PKD1L3: variants seen among roughly 807,000 people sequenced by gnomAD.
The protein encoded by PKD1L3 is polycystin 1 like 3, transient receptor potential channel interacting.
In PKD1L3, 239 loss-of-function variants were observed where a neutral mutation model predicts 184.1. The observed-to-expected ratio is 1.30, with a 90% CI of 1.17 to 1.45. The LOEUF is 1.45. PKD1L3 is among the 40% of genes most tolerant of loss of function. The pLI is 0.00. For synonymous variants in PKD1L3, 996 were observed against 778.8 expected (o/e 1.28, Z -4.64); for missense variants, 2,660 against 2,067.2 (o/e 1.29, Z -5.56).
At chr16:71,933,291 G>A in intron 28 of PKD1L3, 129 bp downstream of exon 28, 4 of 706,536 alleles carry the variant, frequency 5.7e-6, no homozygotes, top group Non-Finnish European at 1.0e-5. Context: ...AAGCAGTAGA[G>A]CAAAGGACTG....
At chr16:71,978,686 C>G (rs753070172) in intron 9 of PKD1L3, among the ~76,000 whole-genome samples, 27 of 151,598 alleles carry the variant, frequency 1.8e-4, no homozygotes, top group Non-Finnish European at 3.2e-4. Context: ...ACTACAGGTG[C>G]ACACCACCAT....
chr16:71,939,193 A>C (rs1436614090), intron 24 of PKD1L3, among the ~76,000 whole-genome samples: 4 of 152,262 alleles, frequency 2.6e-5, no homozygotes, highest in Non-Finnish European at 5.9e-5. Flanking sequence ...GTGCCAGCAC[A>C]TAGAGCTGCC....
At chr16:71,967,425 C>T (rs530212569) in intron 14 of PKD1L3, 110 bp from the exon 15 acceptor site, 52 of 1,071,970 alleles carry the variant, frequency 4.9e-5, no homozygotes, top group South Asian at 1.5e-4. Context: ...TCAAGTCTTT[C>T]GGATCTTAGA....
chr16:71,949,558 G>T (rs2038749826), intron 21 of PKD1L3, among the ~76,000 whole-genome samples: 1 of 151,896 alleles, frequency 6.6e-6, no homozygotes, highest in African/African-American at 2.4e-5. Context: ...TCATCATGTT[G>T]CCCAGGCTGG....
intron 27 of PKD1L3, among the ~76,000 whole-genome samples, 183 bp from the exon 28 acceptor site, chr16:71,933,704 CT>C: frequency 6.6e-6 from 1 of 152,112 alleles, no homozygotes; most frequent in East Asian, 1.9e-4. Context: ...TTTATTTGAC[CT>C]TTATATTACC....
intron 26 of PKD1L3, among the ~76,000 whole-genome samples, chr16:71,934,552 G>A (rs922400636): frequency 6.6e-6 from 1 of 152,168 alleles, no homozygotes; most frequent in Non-Finnish European, 1.5e-5. Context: ...GGCAGTACAG[G>A]ATTGCTGTAA....
chr16:71,936,689 G>A (rs2143159987), intron 25 of PKD1L3, among the ~76,000 whole-genome samples: 1 of 152,126 alleles, frequency 6.6e-6, no homozygotes, highest in South Asian at 2.1e-4. Flanking sequence ...ATTTCTCTAT[G>A]TTGGCCAGGC....
chr16:71,970,800 T>A (rs548094494), intron 12 of PKD1L3, among the ~76,000 whole-genome samples: 1 of 152,178 alleles, frequency 6.6e-6, no homozygotes, highest in African/African-American at 2.4e-5. Flanking sequence ...AGAGCAAGAC[T>A]CTGTCTCCAA....
chr16:71,978,113 G>T, intron 10 of PKD1L3, 142 bp downstream of exon 10: 1 of 1,043,030 alleles, frequency 9.6e-7, no homozygotes, highest in Non-Finnish European at 1.3e-6. Context: ...GTATCTCTTT[G>T]TAAAAGTTCC....
rs139510726 is a variant in PKD1L3, at chr16:71,993,626, C to G, written c.419-294G>C. 6.6e-5 allele frequency among the ~76,000 whole-genome samples: 10 copies of G among 152,256 alleles called. No individual in the cohort carries two copies. In the East Asian group the frequency reaches 1.9e-3, roughly 29 times the overall value. Reference sequence around the variant, plus strand: ...CTAGGCATGTGGAGTTATTTACATCCTACTGCTTAAGGTCATCGCCAGGGT... The same window carrying G: ...CTAGGCATGTGGAGTTATTTACATCGTACTGCTTAAGGTCATCGCCAGGGT... On this transcript the variant is annotated intron_variant, in intron 2 of 29. Transcript: ENST00000620267.
chr16:71,952,420 C>T (rs539960538), intron 18 of PKD1L3, among the ~76,000 whole-genome samples: 1 of 150,974 alleles, frequency 6.6e-6, no homozygotes, highest in Non-Finnish European at 1.5e-5. Flanking sequence ...GGGGTTTCAC[C>T]ATGTTAGCCA....
At chr16:71,943,999 T>C in intron 23 of PKD1L3, 31 bp downstream of exon 23, 1 of 1,538,446 alleles carries the variant, frequency 6.5e-7, no homozygotes, top group South Asian at 1.2e-5. Flanking sequence ...AGGTGCTGTG[T>C]TATCAGTATG....
chr16:71,976,247 C>T (rs2039916132), intron 11 of PKD1L3, among the ~76,000 whole-genome samples: 1 of 136,438 alleles, frequency 7.3e-6, no homozygotes, highest in Admixed American at 7.6e-5. Context: ...GCATGAGCCA[C>T]TGAGTGCCCA....
At chr16:71,989,201 C>A (rs1293167116) in intron 4 of PKD1L3, among the ~76,000 whole-genome samples, 1 of 152,220 alleles carries the variant, frequency 6.6e-6, no homozygotes, top group Non-Finnish European at 1.5e-5. Context: ...GTCGCCCAAG[C>A]TGGAGTGCAA....
At chr16:71,999,303 G>C (rs2040893674) in intron 1 of PKD1L3, among the ~76,000 whole-genome samples, 1 of 151,406 alleles carries the variant, frequency 6.6e-6, no homozygotes, top group Non-Finnish European at 1.5e-5. Context: ...AAAACACTTT[G>C]TAAGAAAGAC....
intron 22 of PKD1L3, 50 bp from the exon 23 acceptor site, chr16:71,944,220 A>C: frequency 6.8e-7 from 1 of 1,477,922 alleles, no homozygotes; most frequent in Non-Finnish European, 9.2e-7. Context: ...TTCATTAAGC[A>C]GTCACTCACC....
intron 28 of PKD1L3, among the ~76,000 whole-genome samples, chr16:71,931,856 C>T (rs767527520): frequency 6.6e-6 from 1 of 152,098 alleles, no homozygotes; most frequent in African/African-American, 2.4e-5. Context: ...ACCTCTAGTA[C>T]TTTATAGTGG....
rs1244317944 is a variant in PKD1L3, at chr16:71,934,056, GA to G, written c.4682del (p.Leu1561ProfsTer24). ...GGTTCCATAACTGAACAGTTGCCAGGAGAACCGGGAAGCCCACAAGGTGAGT... is the reference window on the plus strand; with the variant it reads ...GGTTCCATAACTGAACAGTTGCCAGGGAACCGGGAAGCCCACAAGGTGAGT... ...AATHLVGFPV[L>X]LATVQLWNLL... On this transcript the variant is annotated frameshift_variant, in exon 27 of 30. Coordinates refer to ENST00000620267, the MANE Select transcript of PKD1L3 (RefSeq NM_181536.2). LOFTEE classifies it high-confidence loss of function. The G allele has an allele frequency of 6.4e-7, 1 of 1,551,924 alleles. No individual in the cohort carries two copies. The highest frequency in any genetic ancestry group is 8.7e-7 in the Non-Finnish European group (1 of 1,147,040).
rs1469603696 is a variant in PKD1L3, at chr16:71,949,878, A to G, written c.3523T>C (p.Tyr1175His). 1 of 1,551,686 alleles carries G rather than the reference A, an allele frequency of 6.4e-7. No individual in the cohort carries two copies. The highest frequency in any genetic ancestry group is 1.4e-5 in the African/African-American group (1 of 73,152). Residue 1175 changes from tyrosine (Y) to histidine (H), a missense_variant, in exon 21 of 30, where the codon TAT (tyrosine) becomes CAT (histidine). By Grantham distance (83) the Tyr-to-His change is moderately conservative (BLOSUM62 2). Transcript: ENST00000620267. ...SLASAFFTAL[Y>H]SLELSKDQAT... ...TGGTCTTTGCTCAATTCCAAGCTAT[A>G]AAGTGCTGTAAAAAAGGCTGAAGCC...
Sources: gnomAD v4.1 joint callset for allele counts (sites outside exome capture counted in the v4.1 genomes callset) on GRCh38, gnomAD v4.1.1 for gene constraint, MANE v1.5 for transcripts, NCBI Gene and HGNC (gene_info 2026-07-23, HGNC 2026-07-21) for gene names.